CNGB3: variants seen among roughly 807,000 people sequenced by gnomAD.
The protein encoded by CNGB3 is cyclic nucleotide-gated channel beta-3.
A neutral mutation model predicts 92.8 loss-of-function variants in CNGB3; 86 were observed. That is an observed-to-expected ratio of 0.93 (90% CI 0.78 to 1.11). The LOEUF is 1.11. Ranked by LOEUF, CNGB3 falls within the 50% of genes least tolerant of loss-of-function variation. CNGB3 has a pLI of 0.00. For synonymous variants in CNGB3, 333 were observed against 332.7 expected, an observed-to-expected ratio of 1.00 and a Z score of -0.01; for missense variants, 1,026 against 956.8, an observed-to-expected ratio of 1.07 and a Z score of -0.95.
At chr8:86,580,938 T>C (rs1821751438) in intron 15 of CNGB3, among the ~76,000 whole-genome samples, 1 of 152,104 alleles carries the variant, frequency 6.6e-6, no homozygotes, top group African/African-American at 2.4e-5. Flanking sequence ...TTGGAAGCAA[T>C]GAGATATAAG....
At position 86,592,014 on chromosome 8, in the gene CNGB3, T is replaced by C. The variant is rs190673719; in HGVS notation, c.1781+12079A>G. Among the ~76,000 whole-genome samples the C allele has an allele frequency of 3.5e-4, 53 of 152,064 alleles. 1 individual carries two copies. The highest frequency in any genetic ancestry group is 1.2e-3 in the African/African-American group (51 of 41,394). Reference sequence around the variant, plus strand: ...GAGACTCCGTGGGCGTAGGACCCTCTGAGCCAGGTGCAGGATATAATCTCG... The same window carrying C: ...GAGACTCCGTGGGCGTAGGACCCTCCGAGCCAGGTGCAGGATATAATCTCG... On this transcript the variant is annotated intron_variant, in intron 15 of 17. Transcript: ENST00000320005.
intron 14 of CNGB3, among the ~76,000 whole-genome samples, chr8:86,605,268 A>T (rs1038707783): frequency 6.6e-6 from 1 of 152,228 alleles, no homozygotes; most frequent in Admixed American, 6.5e-5. Flanking sequence ...GTGGGTGGTT[A>T]TGAGGCCCTT....
At chr8:86,598,564 G>T (rs553487871) in intron 15 of CNGB3, among the ~76,000 whole-genome samples, 58 of 152,262 alleles carry the variant, frequency 3.8e-4, no homozygotes, top group Admixed American at 1.1e-3. Context: ...TCACAGTTCT[G>T]GAGGCCAGAA....
chr8:86,687,167 T>C (rs190613249), intron 3 of CNGB3, among the ~76,000 whole-genome samples: 1 of 152,142 alleles, frequency 6.6e-6, no homozygotes, highest in East Asian at 1.9e-4. Flanking sequence ...GGAACCCTCA[T>C]ACCTTGTTGG....
chr8:86,730,122 G>A (rs189857314), intron 2 of CNGB3, among the ~76,000 whole-genome samples: 16 of 152,262 alleles, frequency 1.1e-4, no homozygotes, highest in East Asian at 5.8e-4. Flanking sequence ...GCCTGGCAGC[G>A]TCTCACACTG....
At chr8:86,623,729 C>A (rs1822788340) in intron 13 of CNGB3, among the ~76,000 whole-genome samples, 1 of 151,968 alleles carries the variant, frequency 6.6e-6, no homozygotes, top group South Asian at 2.1e-4. Context: ...GTTTCCAGCC[C>A]ACCCAACCTA....
chr8:86,628,800 A>G, intron 12 of CNGB3, 119 bp downstream of exon 12: 1 of 1,065,432 alleles, frequency 9.4e-7, no homozygotes, highest in African/African-American at 1.6e-5. Context: ...GAATGCTTTA[A>G]GGATCATTTA....
chr8:86,639,080 A>G (rs1196225124), intron 10 of CNGB3, among the ~76,000 whole-genome samples: 1 of 152,030 alleles, frequency 6.6e-6, no homozygotes, highest in Non-Finnish European at 1.5e-5. Flanking sequence ...AAATTTTTCT[A>G]GCACTATGGT....
At chr8:86,672,973 A>G (rs1026391253) in intron 3 of CNGB3, among the ~76,000 whole-genome samples, 1 of 152,250 alleles carries the variant, frequency 6.6e-6, no homozygotes, top group African/African-American at 2.4e-5. Context: ...CACTAGGTCC[A>G]TAAAGCCAGA....
intron 3 of CNGB3, among the ~76,000 whole-genome samples, chr8:86,695,997 TC>T (rs1290850832): frequency 1.3e-5 from 2 of 152,146 alleles, no homozygotes; most frequent in African/African-American, 4.8e-5. Flanking sequence ...TGTGATTTGA[TC>T]TATCTTCAGG....
At chr8:86,576,189 G>A in intron 17 of CNGB3, 59 bp from the exon 18 acceptor site, 1 of 1,569,546 alleles carries the variant, frequency 6.4e-7, no homozygotes, top group African/African-American at 1.4e-5. Context: ...CATTGGATTA[G>A]ATTTTGATTA....
chr8:86,644,757 G>C, intron 8 of CNGB3, 71 bp from the exon 9 acceptor site: 1 of 1,005,840 alleles, frequency 9.9e-7, no homozygotes, highest in Non-Finnish European at 1.3e-6. Context: ...AAAACTATAT[G>C]AAATAGATTT....
intron 3 of CNGB3, among the ~76,000 whole-genome samples, chr8:86,723,454 G>T (rs1041707606): frequency 2.6e-5 from 4 of 151,912 alleles, no homozygotes; most frequent in Non-Finnish European, 5.9e-5. Flanking sequence ...AAAATATAAA[G>T]GTGACCTTTT....
intron 13 of CNGB3, among the ~76,000 whole-genome samples, chr8:86,614,782 C>T (rs1276531324): frequency 1.3e-5 from 2 of 152,052 alleles, no homozygotes; most frequent in Admixed American, 6.6e-5. Context: ...GGTTGCCAAC[C>T]GGGATCAAGA....
At chr8:86,583,690 C>G (rs1821836083) in intron 15 of CNGB3, among the ~76,000 whole-genome samples, 1 of 151,962 alleles carries the variant, frequency 6.6e-6, no homozygotes, top group Admixed American at 6.6e-5. Flanking sequence ...GAGGTTGAGG[C>G]AGGCAGATTG....
chr8:86,675,760 A>T (rs1823954508), intron 3 of CNGB3, among the ~76,000 whole-genome samples: 1 of 152,202 alleles, frequency 6.6e-6, no homozygotes, highest in South Asian at 2.1e-4. Context: ...GTTAGAATAA[A>T]ATTTGTGACT....
chr8:86,736,465 A>G (rs999920393), intron 2 of CNGB3, among the ~76,000 whole-genome samples: 1 of 152,186 alleles, frequency 6.6e-6, no homozygotes, highest in Non-Finnish European at 1.5e-5. Context: ...AAGTATGACA[A>G]AGATAAGAAT....
chr8:86,634,516 C>T lies in CNGB3; in HGVS notation c.1179-1623G>A, dbSNP rs375725527. Among the ~76,000 whole-genome samples, 115 of 152,170 alleles carry T rather than the reference C, an allele frequency of 7.6e-4. 1 individual carries two copies. The South Asian group carries it at 0.012, about 16-fold the overall frequency. On this transcript the variant is annotated intron_variant, in intron 10 of 17. Coordinates refer to ENST00000320005, the MANE Select transcript of CNGB3 (RefSeq NM_019098.5). Reference sequence around the variant, plus strand: ...ATTCTTGTGCACTTAGGCATACTATCTGGTAATTCTACATAGCTCTGATAA... The same window carrying T: ...ATTCTTGTGCACTTAGGCATACTATTTGGTAATTCTACATAGCTCTGATAA...
intron 15 of CNGB3, among the ~76,000 whole-genome samples, chr8:86,582,379 G>A (rs1821804634): frequency 1.4e-5 from 2 of 138,088 alleles, no homozygotes; most frequent in South Asian, 5.0e-4. Flanking sequence ...GGGCAACAGA[G>A]GGAGACCCTA....
Sources: allele counts gnomAD v4.1 joint callset (sites outside exome capture counted in the v4.1 genomes callset), GRCh38; gene constraint gnomAD v4.1.1; transcripts MANE v1.5; gene names NCBI Gene and HGNC (gene_info 2026-07-23, HGNC 2026-07-21).